The following TENM2 variants were observed in gnomAD, a reference collection of about 807,000 sequenced individuals.
The protein encoded by TENM2 is teneurin-2.
A neutral mutation model predicts 245.2 loss-of-function variants in TENM2; 52 were observed. The ratio of observed to expected loss-of-function variants is 0.21; its 90% CI spans 0.17 to 0.27. TENM2 has a LOEUF of 0.27. Among genes scored for constraint, TENM2 ranks in the 10% least tolerant of loss-of-function variants. The pLI, the probability that TENM2 is intolerant of heterozygous loss-of-function variation, is 1.00. For missense variants in TENM2, 3,046 were observed against 3,666.8 expected (o/e 0.83, Z 4.37); for synonymous variants, 1,363 against 1,438.9 (o/e 0.95, Z 1.19).
At chr5:167,612,094 G>A (rs1777512764) in intron 2 of TENM2, among the ~76,000 whole-genome samples, 1 of 152,106 alleles carries the variant, frequency 6.6e-6, no homozygotes, top group Admixed American at 6.6e-5. Flanking sequence ...TCATGTGCAA[G>A]GTAAGAATTT....
intron 12 of TENM2, among the ~76,000 whole-genome samples, chr5:168,127,546 G>C (rs752753332): frequency 1.4e-4 from 21 of 152,116 alleles, no homozygotes; most frequent in Non-Finnish European, 2.4e-4. Context: ...ATAATTTAAA[G>C]GTCATTTTCT....
chr5:167,994,478 C>T (rs1173618602), intron 5 of TENM2, among the ~76,000 whole-genome samples: 1 of 152,234 alleles, frequency 6.6e-6, no homozygotes, highest in Non-Finnish European at 1.5e-5. Flanking sequence ...TGCCTGATGG[C>T]AAAGGGGCAT....
chr5:167,774,137 A>G (rs528684641), intron 2 of TENM2, among the ~76,000 whole-genome samples: 1 of 142,402 alleles, frequency 7.0e-6, no homozygotes, highest in Non-Finnish European at 1.5e-5. Flanking sequence ...TCATCTCAAT[A>G]ATAAAAGGGA....
chr5:167,602,784 T>A (rs1776730238), intron 2 of TENM2, among the ~76,000 whole-genome samples: 1 of 152,058 alleles, frequency 6.6e-6, no homozygotes, highest in Non-Finnish European at 1.5e-5. Context: ...CAGTGGAGCA[T>A]GGAAGGAGAC....
intron 4 of TENM2, among the ~76,000 whole-genome samples, chr5:167,975,902 A>C (rs1326701448): frequency 1.3e-5 from 2 of 151,224 alleles, no homozygotes; most frequent in Non-Finnish European, 2.9e-5. Context: ...ATGTGAGAGG[A>C]GCAAATCTAT....
chr5:167,625,784 C>T (rs558220202), intron 2 of TENM2, among the ~76,000 whole-genome samples: 1 of 152,284 alleles, frequency 6.6e-6, no homozygotes, highest in South Asian at 2.1e-4. Flanking sequence ...TCTGCCCCAG[C>T]TGAGGTCATC....
chr5:167,791,353 T>A (rs921772626), intron 2 of TENM2, among the ~76,000 whole-genome samples: 1 of 141,486 alleles, frequency 7.1e-6, no homozygotes, highest in Non-Finnish European at 1.6e-5. Context: ...TATTGAAATA[T>A]GTAAATATTC....
At chr5:167,812,533 C>T (rs973960281) in intron 2 of TENM2, among the ~76,000 whole-genome samples, 4 of 152,122 alleles carry the variant, frequency 2.6e-5, no homozygotes, top group Non-Finnish European at 5.9e-5. Flanking sequence ...GAATGCTGCT[C>T]GTGGACATTT....
At chr5:166,999,069 C>T in the TENM2 span, among the ~76,000 whole-genome samples, 1 of 150,286 alleles carries the variant, frequency 6.7e-6, no homozygotes, top group African/African-American at 2.4e-5. Flanking sequence ...TTGGAGTTTT[C>T]CATAATAATT....
chr5:168,262,706 G>A (rs866028385), exon 29 of TENM2: 4 of 1,610,978 alleles, frequency 2.5e-6, no homozygotes, highest in Admixed American at 1.7e-5. Flanking sequence ...GCGCGTGCAA[G>A]GGTACGAGGG....
At chr5:168,096,940 C>T (rs537915962) in intron 8 of TENM2, among the ~76,000 whole-genome samples, 1 of 152,242 alleles carries the variant, frequency 6.6e-6, no homozygotes, top group South Asian at 2.1e-4. Context: ...CAAAATCATT[C>T]CTTTGAAGGT....
chr5:167,543,415 A>G (rs1358058624), intron 2 of TENM2, among the ~76,000 whole-genome samples: 1 of 152,198 alleles, frequency 6.6e-6, no homozygotes, highest in Non-Finnish European at 1.5e-5. Context: ...CACACAGCCA[A>G]GGTGCCTGGA....
chr5:167,551,029 A>G (rs1772907238), intron 2 of TENM2, among the ~76,000 whole-genome samples: 1 of 152,142 alleles, frequency 6.6e-6, no homozygotes, highest in South Asian at 2.1e-4. Flanking sequence ...ATGCCCAGCC[A>G]TAACCTTCTC....
intron 15 of TENM2, 21 bp downstream of exon 17, chr5:168,195,316 C>G (rs765049477): frequency 8.3e-6 from 13 of 1,564,596 alleles, no homozygotes; most frequent in South Asian, 7.0e-5. Context: ...TTGTGGGGCT[C>G]GGACCTACTC....
At chr5:167,562,027 G>C (rs1773625343) in intron 2 of TENM2, among the ~76,000 whole-genome samples, 1 of 152,168 alleles carries the variant, frequency 6.6e-6, no homozygotes, top group Non-Finnish European at 1.5e-5. Flanking sequence ...GGCAGTTAAA[G>C]AGATGGTGAG....
At chr5:167,297,087 G>C (rs1411636702) in intron 1 of TENM2, among the ~76,000 whole-genome samples, 1 of 152,130 alleles carries the variant, frequency 6.6e-6, no homozygotes, top group Non-Finnish European at 1.5e-5. Context: ...TGTCTCAAGG[G>C]ATTTGAGTGC....
intron 2 of TENM2, among the ~76,000 whole-genome samples, chr5:167,441,676 G>C (rs1443707694): frequency 6.6e-6 from 1 of 152,098 alleles, no homozygotes; most frequent in Non-Finnish European, 1.5e-5. Flanking sequence ...CCTTTCTCTT[G>C]GATGGAAATG....
intron 1 of TENM2, among the ~76,000 whole-genome samples, chr5:167,344,621 T>C (rs1758349067): frequency 2.0e-5 from 3 of 152,234 alleles, no homozygotes. Context: ...GCCATTAATA[T>C]GCTTGCATTG....
At chr5:167,618,894 A>C (rs1777972140) in intron 2 of TENM2, among the ~76,000 whole-genome samples, 1 of 152,140 alleles carries the variant, frequency 6.6e-6, no homozygotes. Context: ...CTAAAAATTT[A>C]CCTAGTTAGG....
Sources: gnomAD v4.1 joint callset for allele counts (sites outside exome capture counted in the v4.1 genomes callset) on GRCh38, gnomAD v4.1.1 for gene constraint, MANE v1.5 for transcripts, NCBI Gene and HGNC (gene_info 2026-07-23, HGNC 2026-07-21) for gene names.